Variants in PKDCC observed in about 807,000 individuals in gnomAD.
PKDCC encodes the protein protein kinase domain containing, cytoplasmic.
A neutral mutation model predicts 44.7 loss-of-function variants in PKDCC; 35 were observed. The observed-to-expected ratio is 0.78, with a 90% confidence interval of 0.60 to 1.04. The LOEUF (loss-of-function observed/expected upper bound fraction) is 1.04. PKDCC is among the 50% of genes least tolerant of loss of function. The probability of loss-of-function intolerance (pLI) is 0.00; values close to 1 mark genes in which losing one functional copy is unlikely to be tolerated. For missense variants in PKDCC, 738 were observed against 672.7 expected (o/e 1.10, Z -1.07); for synonymous variants, 353 against 303.3 (o/e 1.16, Z -1.70).
rs1443428241 is a variant in PKDCC, at chr2:42,055,744, C to T, written c.1222+351C>T. On this transcript the variant is annotated intron_variant, in intron 5 of 6. Coordinates refer to ENST00000294964, the MANE Select transcript of PKDCC (RefSeq NM_138370.3). This position sits in a 1 kb window ranked among gnomAD's most constrained non-coding sequence, Gnocchi z 4.5. ...ATTGGGTTCACTATTACCCACCTCA[C>T]CAAATTCTTATGGGAATTAAATGTC... is the stretch of plus-strand genomic sequence containing the variant. 12 of 208,450 alleles carry T rather than the reference C, an allele frequency of 5.8e-5. No homozygotes were observed. The highest frequency in any genetic ancestry group is 1.7e-4 in the Admixed American group (3 of 18,136). 12.9% of individuals were successfully genotyped at this position (208,450 alleles called of 1,614,324 possible).
chr2:42,053,992 A>C (rs1668011145), intron 2 of PKDCC, 44 bp from the exon 3 acceptor site: 1 of 1,585,462 alleles, frequency 6.3e-7, no homozygotes. Flanking sequence ...CAGACCCCCA[A>C]CCCAGGAGAA....
Position 42,055,608 on chromosome 2 carries a change from C to T in PKDCC, c.1222+215C>T. ...AGAGCAACTATAATTCTGCCTTCAACCTGGGGTTGGGCACTGATACCCCTA... is the reference window on the plus strand; with the variant it reads ...AGAGCAACTATAATTCTGCCTTCAATCTGGGGTTGGGCACTGATACCCCTA... On this transcript the variant is annotated intron_variant, in intron 5 of 6. Transcript: ENST00000294964. This position sits in a 1 kb window ranked among gnomAD's most constrained non-coding sequence, Gnocchi z 4.5. 1 of 555,968 alleles carries T rather than the reference C, an allele frequency of 1.8e-6. No individual in the cohort carries two copies. Among genetic ancestry groups the T allele is most frequent in the Non-Finnish European group, 3.2e-6 (1 of 309,828 alleles). The allele number at this position is 555,968 out of a possible 1,614,324, so 34.4% of individuals were successfully genotyped here.
rs1161136954 is a variant in PKDCC, at chr2:42,048,722, C to T, written c.523C>T (p.Leu175=). ...GGCGGTGGACTTTAGCGGCCACGAT[C>T]TGGGCAGCTGCGTGCGCGAGTTCGG... ...LKAVDFSGHD[L]GSCVREFGVR... The change falls in exon 1 of 7, where the codon CTG becomes TTG. Residue 175 remains leucine, a synonymous_variant. Transcript: ENST00000294964. The surrounding 1 kb of genome is among the most constrained non-coding windows in gnomAD (Gnocchi z 6.2). The T allele has an allele frequency of 1.7e-5, 27 of 1,563,112 alleles. No individual in the cohort carries two copies. The highest frequency in any genetic ancestry group is 2.3e-5 in the Non-Finnish European group (27 of 1,155,010).
chr2:42,057,170 C>T (rs1668069847), intron 5 of PKDCC, 51 bp from the exon 6 acceptor site: 1 of 1,595,032 alleles, frequency 6.3e-7, no homozygotes, highest in Non-Finnish European at 8.6e-7. Context: ...TCCTTGGGCA[C>T]TCAAACCTGG....
chr2:42,048,571 CGGCCCG>C lies in PKDCC; in HGVS notation c.379_384del (p.Gly127_Pro128del), dbSNP rs1558430365. 5 of 1,352,346 alleles carry C rather than the reference CGGCCCG, an allele frequency of 3.7e-6. No individual in the cohort carries two copies. Among genetic ancestry groups the C allele is most frequent in the Non-Finnish European group, 3.8e-6 (4 of 1,053,860 alleles). 83.8% of individuals were successfully genotyped at this position (1,352,346 alleles called of 1,614,324 possible). ...CCCCGGCTCCCGGCCCAGGCTCCCC[CGGCCCG>C]GGCCCGCGCCTGGGCTGCGCCGCGC... On this transcript the variant is annotated inframe_deletion, in exon 1 of 7. Transcript: ENST00000294964. The surrounding 1 kb of genome is among the most constrained non-coding windows in gnomAD (Gnocchi z 6.2).
chr2:42,054,188 G>A lies in PKDCC; in HGVS notation c.915G>A (p.Pro305=), dbSNP rs771325913. The A allele has an allele frequency of 2.5e-5, 41 of 1,608,914 alleles. No homozygotes were observed. In the East Asian group the frequency reaches 5.1e-4, roughly 20 times the overall value. ...DLDDARVEET[P]CAGSTDCILE... ...ATGACGCACGTGTGGAGGAGACGCC[G>A]TGTGCAGGCAGCACCGACTGCATAC... The change falls in exon 3 of 7, where the codon CCG becomes CCA. Residue 305 remains proline (P), a synonymous_variant. Coordinates refer to ENST00000294964, the MANE Select transcript of PKDCC (RefSeq NM_138370.3). This position sits in a 1 kb window ranked among gnomAD's most constrained non-coding sequence, Gnocchi z 6.1.
chr2:42,055,118 A>G lies in PKDCC; in HGVS notation c.1114+98A>G. 2.1e-6 allele frequency: 3 copies of G among 1,403,382 alleles called. No individual in the cohort carries two copies. Among genetic ancestry groups the G allele is most frequent in the Non-Finnish European group, 2.0e-6 (2 of 994,634 alleles). The allele number at this position is 1,403,382 out of a possible 1,614,324, so 86.9% of individuals were successfully genotyped here. On this transcript the variant is annotated intron_variant, in intron 4 of 6. Transcript: ENST00000294964. The surrounding 1 kb of genome is among the most constrained non-coding windows in gnomAD (Gnocchi z 4.5). ...AATAACCCAGGGCAGCAGGGGTTCT[A>G]GAAACCATCACTTCCTAAGGTGGCA...
Position 42,057,898 on chromosome 2 carries a change from G to T in PKDCC, c.*210G>T. On this transcript the variant is annotated 3_prime_UTR_variant, in exon 7 of 7. Transcript: ENST00000294964. Reference sequence around the variant, plus strand: ...TACCAGCCTAGCTATGGGACTGCTGGCTCCTAGTCCAGGAATCATGGGGGT... The same window carrying T: ...TACCAGCCTAGCTATGGGACTGCTGTCTCCTAGTCCAGGAATCATGGGGGT... The T allele has an allele frequency of 1.7e-6, 1 of 575,426 alleles. No individual in the cohort carries two copies. The highest frequency in any genetic ancestry group is 3.1e-6 in the Non-Finnish European group (1 of 322,654). 35.6% of individuals were successfully genotyped at this position (575,426 alleles called of 1,614,324 possible). A position where few individuals can be genotyped will look rare whatever the true frequency, so the allele number is the denominator to read the frequency against.
rs1007517801 is a variant in PKDCC, at chr2:42,055,158, C to G, written c.1115-128C>G. On this transcript the variant is annotated intron_variant, in intron 4 of 6. Coordinates refer to ENST00000294964, the MANE Select transcript of PKDCC (RefSeq NM_138370.3). The surrounding 1 kb of genome is among the most constrained non-coding windows in gnomAD (Gnocchi z 4.5). ...CTAAGGTGGCATTCTGCCGCAACCT[C>G]CCCGCTCCCCCGCCCTCTGTTCACT... 1.6e-6 allele frequency: 2 copies of G among 1,249,494 alleles called. No individual in the cohort carries two copies. Among genetic ancestry groups the G allele is most frequent in the Non-Finnish European group, 2.3e-6 (2 of 874,842 alleles). The allele number at this position is 1,249,494 out of a possible 1,614,324, so 77.4% of individuals were successfully genotyped here.
chr2:42,049,142 C>T (rs1487766905), intron 1 of PKDCC, among the ~76,000 whole-genome samples: 1 of 152,130 alleles, frequency 6.6e-6, no homozygotes, highest in Non-Finnish European at 1.5e-5. Context: ...GACTCTACTC[C>T]GGGCTGGAGT....
At position 42,051,363 on chromosome 2, in the gene PKDCC, GCCCCCAGGCC is replaced by G. The variant is rs1667964383; in HGVS notation, c.640-1875_640-1866del. ...CTCCCCCTCCCCCAGTCATCCTGGG[GCCCCCAGGCC>G]TTGGATGGGCCCCCAGGCCTGCCTG... is the stretch of plus-strand genomic sequence containing the variant. On this transcript the variant is annotated intron_variant, in intron 1 of 6. Transcript: ENST00000294964. This position sits in a 1 kb window ranked among gnomAD's most constrained non-coding sequence, Gnocchi z 4.2. Among the ~76,000 whole-genome samples, 2 of 83,224 alleles carry G rather than the reference GCCCCCAGGCC, an allele frequency of 2.4e-5. No individual in the cohort carries two copies. Among genetic ancestry groups the G allele is most frequent in the African/African-American group, 5.1e-5 (1 of 19,436 alleles). 54.6% of individuals were successfully genotyped at this position (83,224 alleles called of 152,430 possible).
chr2:42,052,000 A>T lies in PKDCC; in HGVS notation c.640-1239A>T, dbSNP rs540956815. ...CAGGGTGCTGGTTGTTTTGAGCACC[A>T]TACGAGCCCCTAGCTGCTGTGGAGT... On this transcript the variant is annotated intron_variant, in intron 1 of 6. Transcript: ENST00000294964. This position sits in a 1 kb window ranked among gnomAD's most constrained non-coding sequence, Gnocchi z 4.2. 3.9e-5 allele frequency among the ~76,000 whole-genome samples: 6 copies of T among 152,110 alleles called. No homozygotes were observed. Among genetic ancestry groups the T allele is most frequent in the Non-Finnish European group, 8.8e-5 (6 of 68,018 alleles).
intron 1 of PKDCC, among the ~76,000 whole-genome samples, chr2:42,049,748 C>G (rs1667936213): frequency 6.6e-6 from 1 of 152,216 alleles, no homozygotes. Context: ...CAGCACCGCC[C>G]TAACACTCCA....
rs1019753437 is a variant in PKDCC, at chr2:42,052,788, G to C, written c.640-451G>C. 6.8e-6 allele frequency among the ~76,000 whole-genome samples: 1 copy of C among 146,670 alleles called. No homozygotes were observed. The highest frequency in any genetic ancestry group is 2.5e-5 in the African/African-American group (1 of 39,230). ...GAAAAATAAATAAAAATAGGTTGTG[G>C]AATCCGAGTGGCACAAATTCACATC... On this transcript the variant is annotated intron_variant, in intron 1 of 6. Coordinates refer to ENST00000294964, the MANE Select transcript of PKDCC (RefSeq NM_138370.3). The surrounding 1 kb of genome is among the most constrained non-coding windows in gnomAD (Gnocchi z 4.3).
At chr2:42,057,440 T>C in intron 6 of PKDCC, 46 bp downstream of exon 6, 1 of 1,609,898 alleles carries the variant, frequency 6.2e-7, no homozygotes. Context: ...GCAGGACCTC[T>C]CTGGAGGTTG....
rs1451191702 is a variant in PKDCC at position 42,053,306 on chromosome 2, G to T, written c.707G>T (p.Gly236Val). The T allele has an allele frequency of 6.2e-7, 1 of 1,613,810 alleles. No homozygotes were observed. The highest frequency in any genetic ancestry group is 1.3e-5 in the African/African-American group (1 of 74,900). The change falls in exon 2 of 7, where the codon GGC becomes GTC. Residue 236 changes from glycine (G) to valine (V), a missense_variant. Physicochemically the swap from Gly to Val is moderately radical, Grantham distance 109. Coordinates refer to ENST00000294964, the MANE Select transcript of PKDCC (RefSeq NM_138370.3). ...ACCCTGACCACCATCACGGAGCTGG[G>T]CGCCCCTGTAGAAATGATCCAGCTG... ...PDTLTTITEL[G>V]APVEMIQLLQ...
rs1667912356 is a variant in PKDCC at position 42,048,571 on chromosome 2, C to T, written c.372C>T (p.Pro124=). ...GWPPAPGPGS[P]GPGPRLGCAA... ...CCCCGGCTCCCGGCCCAGGCTCCCC[C>T]GGCCCGGGCCCGCGCCTGGGCTGCG... is the stretch of plus-strand genomic sequence containing the variant. The change falls in exon 1 of 7, where the codon CCC becomes CCT. Residue 124 remains proline, a synonymous_variant. Coordinates refer to ENST00000294964, the MANE Select transcript of PKDCC (RefSeq NM_138370.3). The surrounding 1 kb of genome is among the most constrained non-coding windows in gnomAD (Gnocchi z 6.2). 3 of 1,352,346 alleles carry T rather than the reference C, an allele frequency of 2.2e-6. No homozygotes were observed. Among genetic ancestry groups the T allele is most frequent in the South Asian group, 3.9e-5 (2 of 51,162 alleles). 83.8% of individuals were successfully genotyped at this position (1,352,346 alleles called of 1,614,324 possible). A position where few individuals can be genotyped will look rare whatever the true frequency, so the allele number is the denominator to read the frequency against.
chr2:42,048,500 C>G lies in PKDCC; in HGVS notation c.301C>G (p.Arg101Gly), dbSNP rs1667909225. 9.3e-6 allele frequency: 10 copies of G among 1,075,604 alleles called. No individual in the cohort carries two copies. The highest frequency in any genetic ancestry group is 4.4e-5 in the South Asian group (1 of 22,888). 66.6% of individuals were successfully genotyped at this position (1,075,604 alleles called of 1,614,324 possible). ...APGGPGLPRPRPPWARPLSDG... is the reference protein window; with the variant it reads ...APGGPGLPRPGPPWARPLSDG... ...GGGCGGGCCCGGCCTGCCGCGCCCC[C>G]GGCCCCCTTGGGCCCGGCCCCTGTC... is the stretch of plus-strand genomic sequence containing the variant. The change falls in exon 1 of 7, where the codon CGG (arginine) becomes GGG (glycine). Residue 101 changes from arginine (R) to glycine (G), a missense_variant. Arg to Gly is a moderately radical substitution (Grantham distance 125, BLOSUM62 -2). Transcript: ENST00000294964. The surrounding 1 kb of genome is among the most constrained non-coding windows in gnomAD (Gnocchi z 6.2).
At position 42,057,896 on chromosome 2, in the gene PKDCC, TG is replaced by T; in HGVS notation, c.*210del. On this transcript the variant is annotated 3_prime_UTR_variant, in exon 7 of 7. Transcript: ENST00000294964. ...TTTACCAGCCTAGCTATGGGACTGC[TG>T]GCTCCTAGTCCAGGAATCATGGGGG... 1 of 577,206 alleles carries T rather than the reference TG, an allele frequency of 1.7e-6. No individual in the cohort carries two copies. The highest frequency in any genetic ancestry group is 3.1e-6 in the Non-Finnish European group (1 of 323,676). 35.8% of individuals were successfully genotyped at this position (577,206 alleles called of 1,614,324 possible). A position where few individuals can be genotyped will look rare whatever the true frequency, so the allele number is the denominator to read the frequency against.
Sources: allele counts gnomAD v4.1 joint callset (sites outside exome capture counted in the v4.1 genomes callset), GRCh38; gene constraint gnomAD v4.1.1; non-coding constraint Gnocchi (gnomAD v3.1); transcripts MANE v1.5; gene names NCBI Gene and HGNC (gene_info 2026-07-23, HGNC 2026-07-21).